Variants in GHR observed in about 807,000 individuals in gnomAD.
GHR encodes the protein GH receptor.
GHR carries 35 observed loss-of-function variants against 67.1 expected under a neutral mutation model. The observed-to-expected ratio is 0.52, with a 90% confidence interval of 0.40 to 0.69. GHR has a LOEUF of 0.69. GHR is among the 30% of genes least tolerant of loss of function. The pLI is 0.00. For synonymous variants in GHR, 272 were observed against 269.1 expected (o/e 1.01, Z -0.10); for missense variants, 792 against 764.6 (o/e 1.04, Z -0.42).
chr5:42,564,396 A>G (rs1322124526), intron 1 of GHR, among the ~76,000 whole-genome samples: 1 of 151,480 alleles, frequency 6.6e-6, no homozygotes. Flanking sequence ...GTTCATCTGC[A>G]TGTTTCTCAC....
At chr5:42,679,943 A>G (rs1756773646) in intron 3 of GHR, among the ~76,000 whole-genome samples, 1 of 152,236 alleles carries the variant, frequency 6.6e-6, no homozygotes. Context: ...CTCATGGAAG[A>G]ATTACATATT....
Position 42,719,022 on chromosome 5 carries a change from A to G in GHR, c.1515A>G (p.Gln505=). 1.2e-6 allele frequency: 2 copies of G among 1,607,016 alleles called. No individual in the cohort carries two copies. Among genetic ancestry groups the G allele is most frequent in the Non-Finnish European group, 1.7e-6 (2 of 1,175,476 alleles). ...PAGSVVLSPG[Q]KNKAGMSQCD... ...GTAGTGTGGTCCTTTCCCCGGGCCA[A>G]AAGAATAAGGCAGGGATGTCCCAAT... is the stretch of plus-strand genomic sequence containing the variant. The change falls in exon 10 of 10, where the codon CAA becomes CAG. Residue 505 remains glutamine, a synonymous_variant. Transcript: ENST00000230882.
chr5:42,521,580 A>G (rs1473142345), intron 1 of GHR, among the ~76,000 whole-genome samples: 2 of 152,184 alleles, frequency 1.3e-5, no homozygotes, highest in Admixed American at 6.5e-5. Flanking sequence ...AAAGCTTTAC[A>G]TTTTCATCTG....
chr5:42,613,197 T>TAAC (rs1215690169), intron 2 of GHR, among the ~76,000 whole-genome samples: 2 of 152,140 alleles, frequency 1.3e-5, no homozygotes, highest in African/African-American at 4.8e-5. Flanking sequence ...TAAGCTGTTC[T>TAAC]AACTTTCAGC....
intron 1 of GHR, among the ~76,000 whole-genome samples, chr5:42,539,918 A>T (rs894285914): frequency 2.0e-5 from 3 of 152,174 alleles, no homozygotes; most frequent in African/African-American, 7.2e-5. Context: ...TAAGTATGAT[A>T]TTAAGTACGC....
chr5:42,682,181 A>C (rs1372522712), intron 3 of GHR, among the ~76,000 whole-genome samples: 3 of 152,136 alleles, frequency 2.0e-5, no homozygotes, highest in African/African-American at 7.2e-5. Flanking sequence ...AGAAAACCAA[A>C]CACCACATGT....
intron 1 of GHR, among the ~76,000 whole-genome samples, chr5:42,505,637 G>A (rs74520565): frequency 0.012 from 1,803 of 152,200 alleles, 38 homozygotes; most frequent in African/African-American, 0.042. Context: ...GCAAGAGATT[G>A]CTTTTGTGAG....
At chr5:42,596,065 T>A (rs1275106246) in intron 2 of GHR, among the ~76,000 whole-genome samples, 1 of 152,212 alleles carries the variant, frequency 6.6e-6, no homozygotes, top group Non-Finnish European at 1.5e-5. Flanking sequence ...GTGCTACATA[T>A]AGAAATAGGC....
intron 1 of GHR, among the ~76,000 whole-genome samples, chr5:42,546,792 AG>A (rs1561111860): frequency 6.6e-6 from 1 of 152,230 alleles, no homozygotes; most frequent in African/African-American, 2.4e-5. Context: ...GAGTGTTAAG[AG>A]GCCATTCTCA....
At chr5:42,534,132 GTACATATGTATATATGTATGTA>G (rs1273727506) in intron 1 of GHR, among the ~76,000 whole-genome samples, 1 of 145,834 alleles carries the variant, frequency 6.9e-6, no homozygotes, top group Admixed American at 7.0e-5. Context: ...GTATATATAT[GTACATATGTATATATGTATGTA>G]TATATATGTA....
chr5:42,611,054 G>T (rs376137369), intron 2 of GHR, among the ~76,000 whole-genome samples: 26 of 152,272 alleles, frequency 1.7e-4, no homozygotes, highest in South Asian at 1.7e-3. Context: ...TTATGCTCCA[G>T]ATAAAGAAAT....
Position 42,719,143 on chromosome 5 carries a change from G to A in GHR, c.1636G>A (p.Val546Met), listed in dbSNP as rs1157719178. ...CEADAKKCIP[V>M]APHIKVESHI... ...GGCAGATGCCAAAAAGTGCATCCCT[G>A]TGGCTCCTCACATCAAGGTTGAATC... is the stretch of plus-strand genomic sequence containing the variant. The change falls in exon 10 of 10, where the codon GTG (valine) becomes ATG (methionine). Residue 546 changes from valine (V) to methionine (M), a missense_variant. Physicochemically the swap from Val to Met is conservative, Grantham distance 21 (BLOSUM62 1). Transcript: ENST00000230882. 1 of 1,614,122 alleles carries A rather than the reference G, an allele frequency of 6.2e-7. No individual in the cohort carries two copies. The highest frequency in any genetic ancestry group is 1.1e-5 in the South Asian group (1 of 91,070).
At chr5:42,674,428 CAACA>C (rs1242797305) in intron 3 of GHR, among the ~76,000 whole-genome samples, 1 of 152,096 alleles carries the variant, frequency 6.6e-6, no homozygotes, top group East Asian at 1.9e-4. Flanking sequence ...CAATGTTGTG[CAACA>C]ATCACTACTA....
intron 1 of GHR, among the ~76,000 whole-genome samples, chr5:42,471,690 G>A (rs919897478): frequency 6.6e-6 from 1 of 152,192 alleles, no homozygotes; most frequent in Non-Finnish European, 1.5e-5. Flanking sequence ...GCCTAGAACT[G>A]TAGCTGGTCT....
chr5:42,682,219 G>A (rs1756919804), intron 3 of GHR, among the ~76,000 whole-genome samples: 1 of 152,158 alleles, frequency 6.6e-6, no homozygotes, highest in Non-Finnish European at 1.5e-5. Context: ...ATTGTTCTTA[G>A]TGATAATTCA....
intron 2 of GHR, among the ~76,000 whole-genome samples, chr5:42,619,325 A>G (rs1753323621): frequency 6.6e-6 from 1 of 150,714 alleles, no homozygotes; most frequent in Non-Finnish European, 1.5e-5. Flanking sequence ...TGCCACACAT[A>G]CCTCCCTTCT....
chr5:42,703,828 T>A (rs1758045855), intron 6 of GHR, among the ~76,000 whole-genome samples: 1 of 151,988 alleles, frequency 6.6e-6, no homozygotes, highest in Non-Finnish European at 1.5e-5. Context: ...ATTTCTTTAT[T>A]TCTTTCTCAG....
chr5:42,476,541 A>G (rs1470517248), intron 1 of GHR, among the ~76,000 whole-genome samples: 1 of 152,220 alleles, frequency 6.6e-6, no homozygotes, highest in East Asian at 1.9e-4. Flanking sequence ...AAAAATAGCA[A>G]ATTCTTAAAA....
chr5:42,499,203 G>C (rs566810963), intron 1 of GHR, among the ~76,000 whole-genome samples: 1 of 152,140 alleles, frequency 6.6e-6, no homozygotes, highest in Non-Finnish European at 1.5e-5. Context: ...CAATCCCTTT[G>C]GTAAGGGCAT....
Sources: gnomAD v4.1 joint callset for allele counts (sites outside exome capture counted in the v4.1 genomes callset) on GRCh38, gnomAD v4.1.1 for gene constraint, MANE v1.5 for transcripts, NCBI Gene and HGNC (gene_info 2026-07-23, HGNC 2026-07-21) for gene names.